The following PKP4 variants were observed in gnomAD, a reference collection of about 807,000 sequenced individuals.
PKP4 encodes the protein plakophilin 4.
PKP4 carries 90 observed loss-of-function variants against 145.1 expected under a neutral mutation model. The ratio of observed to expected loss-of-function variants is 0.62; its 90% CI spans 0.52 to 0.74. PKP4 has a LOEUF of 0.74. PKP4 is among the 30% of genes least tolerant of loss of function. PKP4 has a pLI of 0.00. For synonymous variants in PKP4, 563 were observed against 577.2 expected, an observed-to-expected ratio of 0.98 and a Z score of 0.35; for missense variants, 1,340 against 1,482.7, an observed-to-expected ratio of 0.90 and a Z score of 1.58.
chr2:158,479,244 T>A (rs960989211), intron 1 of PKP4, among the ~76,000 whole-genome samples: 2 of 151,992 alleles, frequency 1.3e-5, no homozygotes, highest in Admixed American at 6.5e-5. Context: ...TTTTTTGTCT[T>A]TTTTTGATAC....
chr2:158,550,432 C>A (rs2045518161), intron 2 of PKP4, among the ~76,000 whole-genome samples: 1 of 152,176 alleles, frequency 6.6e-6, no homozygotes, highest in South Asian at 2.1e-4. Flanking sequence ...ACAACATTTT[C>A]ATCACCCCAG....
chr2:158,555,721 T>C (rs934861271), intron 2 of PKP4, among the ~76,000 whole-genome samples: 1 of 152,240 alleles, frequency 6.6e-6, no homozygotes, highest in African/African-American at 2.4e-5. Flanking sequence ...ATGCCACCTG[T>C]ATCCTCACCT....
chr2:158,578,112 G>A (rs1017732865), intron 3 of PKP4: 3 of 176,324 alleles, frequency 1.7e-5, no homozygotes, highest in South Asian at 1.6e-4. Context: ...AGGTAGACAT[G>A]CCTGCAATAA....
intron 1 of PKP4, among the ~76,000 whole-genome samples, chr2:158,460,835 G>T (rs1277822779): frequency 6.6e-6 from 1 of 152,202 alleles, no homozygotes; most frequent in African/African-American, 2.4e-5. Context: ...AAATGATTCT[G>T]TAGTGCCCTT....
At chr2:158,667,934 G>A (rs375411942) in intron 16 of PKP4, among the ~76,000 whole-genome samples, 2 of 152,204 alleles carry the variant, frequency 1.3e-5, no homozygotes, top group Non-Finnish European at 2.9e-5. Context: ...GTATAATTTG[G>A]GCATTTTTAA....
intron 9 of PKP4, among the ~76,000 whole-genome samples, chr2:158,638,777 G>C (rs1386498792): frequency 1.3e-5 from 2 of 152,134 alleles, no homozygotes; most frequent in African/African-American, 4.8e-5. Context: ...ACTTGCTGAT[G>C]GATTCCATGA....
chr2:158,678,510 G>T, intron 20 of PKP4, 71 bp from the exon 21 acceptor site: 1 of 1,080,364 alleles, frequency 9.3e-7, no homozygotes. Context: ...CCTAGTGCAG[G>T]GGAGACCACC....
chr2:158,544,271 G>T (rs1486995202), intron 2 of PKP4, among the ~76,000 whole-genome samples: 2 of 152,146 alleles, frequency 1.3e-5, no homozygotes, highest in South Asian at 4.1e-4. Flanking sequence ...TTACATAGGG[G>T]CATCGTAAGA....
chr2:158,494,110 G>A (rs1361403718), intron 1 of PKP4, among the ~76,000 whole-genome samples: 1 of 152,158 alleles, frequency 6.6e-6, no homozygotes, highest in Admixed American at 6.5e-5. Context: ...ACACTGATGA[G>A]AAGGGAAAAG....
intron 2 of PKP4, among the ~76,000 whole-genome samples, chr2:158,564,477 C>T (rs912992211): frequency 1.3e-5 from 2 of 151,964 alleles, no homozygotes; most frequent in Non-Finnish European, 2.9e-5. Context: ...TAATATATAC[C>T]ATTGCTTTTA....
chr2:158,600,018 G>T (rs1220834017), intron 3 of PKP4, among the ~76,000 whole-genome samples: 1 of 152,072 alleles, frequency 6.6e-6, no homozygotes, highest in African/African-American at 2.4e-5. Context: ...ATTAATTTCA[G>T]GAGTATGTAG....
chr2:158,568,278 C>T lies in PKP4; in HGVS notation c.133-8993C>T, dbSNP rs149166078. ...ACTTGAACCCGGGAGGCAGAGGTTG[C>T]AGTGAGCTGAGATCGTGCCATTGCA... On this transcript the variant is annotated intron_variant, in intron 2 of 21. Transcript: ENST00000389759. Among the ~76,000 whole-genome samples the T allele has an allele frequency of 8.2e-3, 1,251 of 152,282 alleles. 21 individuals carry two copies. The highest frequency in any genetic ancestry group is 0.029 in the African/African-American group (1,193 of 41,558).
chr2:158,518,625 C>G lies in PKP4; in HGVS notation c.-5-14555C>G, dbSNP rs1451648160. ...CTAAATCATTTGCTTTGCACTGTTT[C>G]TTGTGTCCTAAACCTTCCTCTGTCA... On this transcript the variant is annotated intron_variant, in intron 1 of 21. Transcript: ENST00000389759. Among the ~76,000 whole-genome samples, 3 of 152,176 alleles carry G rather than the reference C, an allele frequency of 2.0e-5. No individual in the cohort carries two copies. The East Asian group carries it at 5.8e-4, about 29-fold the overall frequency.
At chr2:158,479,449 C>T (rs1254250722) in intron 1 of PKP4, among the ~76,000 whole-genome samples, 1 of 152,122 alleles carries the variant, frequency 6.6e-6, no homozygotes, top group Non-Finnish European at 1.5e-5. Context: ...GTCTTGAAAT[C>T]CTGGACTCAA....
At chr2:158,630,861 A>G (rs775077559) in intron 7 of PKP4, among the ~76,000 whole-genome samples, 20 of 152,256 alleles carry the variant, frequency 1.3e-4, no homozygotes, top group Non-Finnish European at 1.9e-4. Flanking sequence ...AGTGTATCAA[A>G]TCATTTAATT....
chr2:158,609,515 C>G (rs2050946783), intron 4 of PKP4, among the ~76,000 whole-genome samples: 1 of 152,174 alleles, frequency 6.6e-6, no homozygotes, highest in Non-Finnish European at 1.5e-5. Context: ...GACACTTTCT[C>G]TACCTTTTTT....
At chr2:158,460,647 C>T (rs919930130) in intron 1 of PKP4, among the ~76,000 whole-genome samples, 1 of 152,138 alleles carries the variant, frequency 6.6e-6, no homozygotes, top group Non-Finnish European at 1.5e-5. Context: ...AGCAGTAATT[C>T]CCTACCTTGC....
intron 1 of PKP4, among the ~76,000 whole-genome samples, chr2:158,519,757 ATTTC>A (rs1204619116): frequency 6.6e-6 from 1 of 152,146 alleles, no homozygotes; most frequent in African/African-American, 2.4e-5. Flanking sequence ...CTTTTCTATT[ATTTC>A]ATGGAGTTGT....
intron 1 of PKP4, among the ~76,000 whole-genome samples, chr2:158,526,274 A>G (rs1052856959): frequency 8.2e-5 from 11 of 133,720 alleles, no homozygotes; most frequent in African/African-American, 3.1e-4. Context: ...CACATCAAAA[A>G]GCTAATCCAC....
Sources: gnomAD v4.1 joint callset for allele counts (sites outside exome capture counted in the v4.1 genomes callset) on GRCh38, gnomAD v4.1.1 for gene constraint, MANE v1.5 for transcripts, NCBI Gene and HGNC (gene_info 2026-07-23, HGNC 2026-07-21) for gene names.